Variants in STARD13 observed in about 807,000 individuals in gnomAD.
The protein encoded by STARD13 is stAR-related lipid transfer protein 13.
STARD13 carries 62 observed loss-of-function variants against 106.4 expected under a neutral mutation model. The ratio of observed to expected loss-of-function variants is 0.58; its 90% CI spans 0.48 to 0.72. The LOEUF is 0.72. Ranked by LOEUF, STARD13 falls within the 30% of genes least tolerant of loss-of-function variation. STARD13 has a pLI of 0.00. For missense variants in STARD13, 1,387 were observed against 1,424.0 expected, an observed-to-expected ratio of 0.97 and a Z score of 0.42; for synonymous variants, 565 against 553.0, an observed-to-expected ratio of 1.02 and a Z score of -0.31.
At chr13:33,189,423 CTTCCTCCT>C (rs1886050093) in intron 1 of STARD13, among the ~76,000 whole-genome samples, 1 of 29,440 alleles carries the variant, frequency 3.4e-5, no homozygotes, top group African/African-American at 8.9e-5. Flanking sequence ...GCTTTCCCTC[CTTCCTCCT>C]TTCGGAGGAA....
the STARD13 span, among the ~76,000 whole-genome samples, chr13:33,598,848 T>C: frequency 6.6e-6 from 1 of 152,392 alleles, no homozygotes. Context: ...TTTTCATCTT[T>C]GGATCACTAA....
intron 1 of STARD13, chr13:33,334,016 A>G (rs1594275233): frequency 6.6e-6 from 1 of 152,240 alleles, no homozygotes; most frequent in African/African-American, 2.4e-5. Context: ...AAGATCATCT[A>G]TAAGACATCC....
intron 1 of STARD13, among the ~76,000 whole-genome samples, chr13:33,182,557 A>G (rs150412922): frequency 3.5e-4 from 54 of 152,338 alleles, no homozygotes; most frequent in African/African-American, 1.3e-3. Flanking sequence ...TGGGCCACAC[A>G]TAAAATATGC....
the STARD13 span, among the ~76,000 whole-genome samples, chr13:33,660,364 T>TA: frequency 2.6e-5 from 4 of 152,232 alleles, no homozygotes; most frequent in East Asian, 7.7e-4. Context: ...CTCCAATTGT[T>TA]AAAAATCTCT....
At chr13:33,118,370 T>C (rs1875729856) in intron 7 of STARD13, 107 bp from the exon 8 acceptor site, 1 of 885,028 alleles carries the variant, frequency 1.1e-6, no homozygotes, top group Admixed American at 1.8e-5. Context: ...TCCCAATTAG[T>C]ACATGCTGAA....
chr13:33,626,351 C>G, the STARD13 span, among the ~76,000 whole-genome samples: 1 of 152,204 alleles, frequency 6.6e-6, no homozygotes, highest in African/African-American at 2.4e-5. Context: ...TCTATTATTT[C>G]TACCTTATCT....
chr13:33,177,420 C>G (rs1045302009), intron 1 of STARD13, among the ~76,000 whole-genome samples: 2 of 152,150 alleles, frequency 1.3e-5, no homozygotes, highest in African/African-American at 4.8e-5. Context: ...TGCAACCAAT[C>G]CTTTCATGAC....
At chr13:33,269,053 G>A (rs1010412445) in intron 1 of STARD13, among the ~76,000 whole-genome samples, 2 of 152,036 alleles carry the variant, frequency 1.3e-5, no homozygotes, top group African/African-American at 2.4e-5. Flanking sequence ...CCACATAAGC[G>A]CTTTCTTTCC....
chr13:33,234,487 T>C (rs1889088679), intron 1 of STARD13, among the ~76,000 whole-genome samples: 2 of 152,238 alleles, frequency 1.3e-5, no homozygotes, highest in South Asian at 4.1e-4. Flanking sequence ...CAACTGGCCA[T>C]GGAGTTCTCA....
At chr13:33,116,821 G>A (rs1385753261) in intron 8 of STARD13, among the ~76,000 whole-genome samples, 1 of 152,148 alleles carries the variant, frequency 6.6e-6, no homozygotes. Flanking sequence ...TACTTAGTGG[G>A]TTGCCACCTT....
downstream of STARD13, among the ~76,000 whole-genome samples, chr13:33,347,344 T>G (rs1410026506): frequency 1.3e-5 from 2 of 152,092 alleles, no homozygotes; most frequent in African/African-American, 4.8e-5. Flanking sequence ...CAAATGATTC[T>G]CATGCCTCAG....
chr13:33,126,313 T>A, intron 6 of STARD13, 73 bp from the exon 7 acceptor site: 5 of 1,487,388 alleles, frequency 3.4e-6, no homozygotes, highest in Non-Finnish European at 4.6e-6. Flanking sequence ...GAAGCAAGCA[T>A]GAGGGAAGCC....
chr13:33,672,038 A>G, the STARD13 span, among the ~76,000 whole-genome samples: 2 of 152,214 alleles, frequency 1.3e-5, no homozygotes, highest in Non-Finnish European at 2.9e-5. Context: ...AAGGATTATA[A>G]ATCATTCTAC....
In STARD13 at chr13:33,199,511, G is replaced by A. The variant is rs1424599958; in HGVS notation, c.170-31889C>T. Among the ~76,000 whole-genome samples the A allele has an allele frequency of 7.2e-5, 11 of 152,260 alleles. No individual in the cohort carries two copies. In the East Asian group the frequency reaches 1.9e-3, roughly 27 times the overall value. On this transcript the variant is annotated intron_variant, in intron 1 of 13. Coordinates refer to ENST00000336934, the MANE Select transcript of STARD13 (RefSeq NM_178006.4). ...CAGCAAAACCGAAAAGAAACAGAAAGCTATAGTTTAAGCCAACATGAAGCA... is the reference window on the plus strand; with the variant it reads ...CAGCAAAACCGAAAAGAAACAGAAAACTATAGTTTAAGCCAACATGAAGCA...
the STARD13 span, among the ~76,000 whole-genome samples, chr13:33,612,782 A>T: frequency 5.3e-5 from 8 of 152,234 alleles, no homozygotes; most frequent in African/African-American, 1.9e-4. Flanking sequence ...AAAATATCAG[A>T]GAATGGCAAA....
the STARD13 span, among the ~76,000 whole-genome samples, chr13:33,676,337 A>T: frequency 6.6e-6 from 1 of 152,164 alleles, no homozygotes; most frequent in African/African-American, 2.4e-5. Flanking sequence ...ACCCCCTTTC[A>T]ACTGGCAAGG....
At chr13:33,157,389 C>T (rs1303026638) in intron 3 of STARD13, among the ~76,000 whole-genome samples, 1 of 152,142 alleles carries the variant, frequency 6.6e-6, no homozygotes, top group Admixed American at 6.5e-5. Context: ...CAGAGATGGC[C>T]AGGCATGGTT....
At chr13:33,304,162 C>T (rs1036117252) in intron 1 of STARD13, among the ~76,000 whole-genome samples, 1 of 152,242 alleles carries the variant, frequency 6.6e-6, no homozygotes, top group Admixed American at 6.5e-5. Context: ...GCCCTTACTT[C>T]TGAGGTTTTA....
chr13:33,247,198 G>GATAA (rs898318917), intron 1 of STARD13, among the ~76,000 whole-genome samples: 3 of 148,772 alleles, frequency 2.0e-5, no homozygotes, highest in African/African-American at 4.9e-5. Context: ...CTCTGTCTCG[G>GATAA]ATAAATAAAT....
Sources: gnomAD v4.1 joint callset for allele counts (sites outside exome capture counted in the v4.1 genomes callset) on GRCh38, gnomAD v4.1.1 for gene constraint, MANE v1.5 for transcripts, NCBI Gene and HGNC (gene_info 2026-07-23, HGNC 2026-07-21) for gene names.